Variants in TNFRSF14 observed in about 807,000 individuals in gnomAD.
TNFRSF14 encodes TNF receptor superfamily member 14.
In TNFRSF14, 18 loss-of-function variants were observed where a neutral mutation model predicts 34.1. That is an observed-to-expected ratio of 0.53 (90% confidence interval 0.36 to 0.78). TNFRSF14 has a LOEUF of 0.78. Among genes scored for constraint, TNFRSF14 ranks in the 30% least tolerant of loss-of-function variants. The pLI is 0.00. For synonymous variants in TNFRSF14, 157 were observed against 153.2 expected (o/e 1.02, Z -0.18); for missense variants, 352 against 379.5 (o/e 0.93, Z 0.60).
chr1:2,558,331 T>C lies in TNFRSF14; in HGVS notation c.179-12T>C. On this transcript the variant is annotated splice_polypyrimidine_tract_variant and intron_variant, in intron 2 of 7. Coordinates refer to ENST00000355716, the MANE Select transcript of TNFRSF14 (RefSeq NM_003820.4). The stretch of plus-strand genomic sequence containing the variant: ...CCGCAGACTTGCGAAGTTCCCACTC[T>C]CTGGGCGGCAGGTTATCGTGTGAAG... 3 of 1,594,292 alleles carry C rather than the reference T, an allele frequency of 1.9e-6. No individual in the cohort carries two copies. The highest frequency in any genetic ancestry group is 1.7e-6 in the Non-Finnish European group (2 of 1,171,544).
chr1:2,559,195 T>C, intron 3 of TNFRSF14: 4 of 1,369,264 alleles, frequency 2.9e-6, no homozygotes, highest in Non-Finnish European at 3.9e-6. Flanking sequence ...GCTGGAGTGC[T>C]TTGGGGGTTC....
chr1:2,555,635 G>T (rs994375650), upstream of TNFRSF14: 1 of 152,622 alleles, frequency 6.6e-6, no homozygotes, highest in Non-Finnish European at 1.5e-5. The surrounding 1 kb of genome is among the most constrained non-coding windows in gnomAD (Gnocchi z 6.3). Context: ...GCCAGAGGGG[G>T]TGACTGGGAC....
chr1:2,559,068 T>A, intron 3 of TNFRSF14: 1 of 1,369,282 alleles, frequency 7.3e-7, no homozygotes, highest in Non-Finnish European at 9.6e-7. Flanking sequence ...TGGCCAGTGC[T>A]CCCTGCGGCC....
rs1224263470 is a variant in TNFRSF14, at chr1:2,561,056, C to T, written c.551+342C>T. On this transcript the variant is annotated intron_variant, in intron 5 of 7. Coordinates refer to ENST00000355716, the MANE Select transcript of TNFRSF14 (RefSeq NM_003820.4). This position sits in a 1 kb window ranked among gnomAD's most constrained non-coding sequence, Gnocchi z 6.0. ...TCAGGGCCATGGGAGGGCCCCTGGG[C>T]TTCAGGGGTTGGGGAAAGTGAACAC... 1 of 365,974 alleles carries T rather than the reference C, an allele frequency of 2.7e-6. No homozygotes were observed. The highest frequency in any genetic ancestry group is 4.9e-6 in the Non-Finnish European group (1 of 202,094). 22.7% of individuals were successfully genotyped at this position (365,974 alleles called of 1,614,324 possible).
Position 2,561,588 on chromosome 1 carries a change from C to G in TNFRSF14, c.552-85C>G. On this transcript the variant is annotated intron_variant, in intron 5 of 7. Coordinates refer to ENST00000355716, the MANE Select transcript of TNFRSF14 (RefSeq NM_003820.4). This position sits in a 1 kb window ranked among gnomAD's most constrained non-coding sequence, Gnocchi z 6.0. Reference sequence around the variant, plus strand: ...GGACCTGTCTTCACTGCCTGGGGCCCTGGGAGCCAGGGAGGCTCCCTGAGG... The same window carrying G: ...GGACCTGTCTTCACTGCCTGGGGCCGTGGGAGCCAGGGAGGCTCCCTGAGG... The G allele has an allele frequency of 6.2e-7, 1 of 1,602,028 alleles. No individual in the cohort carries two copies. The highest frequency in any genetic ancestry group is 8.5e-7 in the Non-Finnish European group (1 of 1,174,554).
Position 2,557,815 on chromosome 1 carries a change from C to T in TNFRSF14, c.159C>T (p.Cys53=), listed in dbSNP as rs760103597. ...KEDEYPVGSE[C]CPKCSPGYRV... is the part of the protein sequence containing the mutation. ...ACGAGTACCCAGTGGGCTCCGAGTG[C>T]TGCCCCAAGTGCAGTCCAGGTAGGT... Residue 53 remains cysteine, a synonymous_variant, in exon 2 of 8, where the codon TGC becomes TGT. Transcript: ENST00000355716. 4 of 1,610,860 alleles carry T rather than the reference C, an allele frequency of 2.5e-6. No homozygotes were observed. Among genetic ancestry groups the T allele is most frequent in the Non-Finnish European group, 3.4e-6 (4 of 1,178,628 alleles).
intron 2 of TNFRSF14, 103 bp from the exon 3 acceptor site, chr1:2,558,240 G>C: frequency 6.7e-7 from 1 of 1,491,036 alleles, no homozygotes; most frequent in South Asian, 1.3e-5. Flanking sequence ...AGTCCCCTTA[G>C]CTGGTGTCTC....
rs535890281 is a variant in TNFRSF14 at position 2,556,706 on chromosome 1, C to G, written c.42C>G (p.Ser14=). Residue 14 remains serine, a synonymous_variant, in exon 1 of 8, where the codon TCC becomes TCG. Transcript: ENST00000355716. ...PGDWGPPPWR[S]TPKTDVLRLV... is the part of the protein sequence containing the mutation. ...ACTGGGGGCCTCCTCCCTGGAGATC[C>G]ACCCCCAAAACCGACGTCTTGAGGC... 6.2e-7 allele frequency: 1 copy of G among 1,607,350 alleles called. No homozygotes were observed. Among genetic ancestry groups the G allele is most frequent in the Non-Finnish European group, 8.5e-7 (1 of 1,176,898 alleles).
chr1:2,559,098 G>A (rs1644264821), intron 3 of TNFRSF14: 14 of 1,367,224 alleles, frequency 1.0e-5, no homozygotes, highest in Non-Finnish European at 1.4e-5. Flanking sequence ...TGCACCTGCG[G>A]GACAGGGCTG....
chr1:2,559,490 G>A (rs1243336944), intron 3 of TNFRSF14: 6 of 1,457,942 alleles, frequency 4.1e-6, no homozygotes, highest in East Asian at 2.9e-5. Flanking sequence ...CACGTGGGGC[G>A]AGGACCTGCC....
chr1:2,557,491 G>C (rs2495366), intron 1 of TNFRSF14, among the ~76,000 whole-genome samples: 10 of 152,086 alleles, frequency 6.6e-5, no homozygotes, highest in African/African-American at 2.4e-4. Context: ...CCAGGGCTCC[G>C]CGCTGCCAGG....
intron 3 of TNFRSF14, chr1:2,559,298 C>G: frequency 7.3e-7 from 1 of 1,366,510 alleles, no homozygotes; most frequent in Non-Finnish European, 9.7e-7. Context: ...TCTACTTGGG[C>G]TGAGGATGTG....
At chr1:2,558,731 T>C in intron 3 of TNFRSF14, 1 of 1,151,118 alleles carries the variant, frequency 8.7e-7, no homozygotes, top group Non-Finnish European at 1.2e-6. Flanking sequence ...TCCCTCGTCC[T>C]TGGCTCCTCT....
At position 2,560,097 on chromosome 1, in the gene TNFRSF14, C is replaced by T. The variant is rs939193570; in HGVS notation, c.460+119C>T. On this transcript the variant is annotated intron_variant, in intron 4 of 7. Transcript: ENST00000355716. Reference sequence around the variant, plus strand: ...GCCCAGGGGCCCTGGTGAGACAGAACCTTGGCCAGCCCCAGGCCCACCCAC... The same window carrying T: ...GCCCAGGGGCCCTGGTGAGACAGAATCTTGGCCAGCCCCAGGCCCACCCAC... The T allele has an allele frequency of 2.2e-6, 3 of 1,387,372 alleles. No individual in the cohort carries two copies. The Admixed American group carries it at 8.3e-5, about 38-fold the overall frequency. 85.9% of individuals were successfully genotyped at this position (1,387,372 alleles called of 1,614,324 possible). A position where few individuals can be genotyped will look rare whatever the true frequency, so the allele number is the denominator to read the frequency against.
In TNFRSF14 at chr1:2,560,909, C is replaced by G. The variant is rs1397448353; in HGVS notation, c.551+195C>G. The G allele has an allele frequency of 3.0e-5, 18 of 590,544 alleles. No individual in the cohort carries two copies. In the South Asian group the frequency reaches 3.8e-4, roughly 12 times the overall value. The allele number at this position is 590,544 out of a possible 1,614,324, so 36.6% of individuals were successfully genotyped here. A position where few individuals can be genotyped will look rare whatever the true frequency, so the allele number is the denominator to read the frequency against. On this transcript the variant is annotated intron_variant, in intron 5 of 7. Coordinates refer to ENST00000355716, the MANE Select transcript of TNFRSF14 (RefSeq NM_003820.4). The stretch of plus-strand genomic sequence containing the variant: ...CCCCAGATAACCCCTTCCATGGGCC[C>G]AGACAAAGCCTCATCAGATCTGAGC...
At position 2,561,905 on chromosome 1, in the gene TNFRSF14, G is replaced by A. The variant is rs1644315836; in HGVS notation, c.694+90G>A. 19 of 1,407,178 alleles carry A rather than the reference G, an allele frequency of 1.4e-5. No individual in the cohort carries two copies. The highest frequency in any genetic ancestry group is 1.7e-5 in the Non-Finnish European group (18 of 1,030,374). The allele number at this position is 1,407,178 out of a possible 1,614,324, so 87.2% of individuals were successfully genotyped here. A position where few individuals can be genotyped will look rare whatever the true frequency, so the allele number is the denominator to read the frequency against. ...CCCAAGCCTGGGAGGTGGCCCCAGA[G>A]CTTTTCCAGGATCCGCGGCTCCTCC... is the stretch of plus-strand genomic sequence containing the variant. On this transcript the variant is annotated intron_variant, in intron 6 of 7. Transcript: ENST00000355716. The surrounding 1 kb of genome is among the most constrained non-coding windows in gnomAD (Gnocchi z 6.0).
chr1:2,557,898 GC>G, intron 2 of TNFRSF14, 64 bp downstream of exon 2: 1 of 1,339,410 alleles, frequency 7.5e-7, no homozygotes, highest in Non-Finnish European at 1.0e-6. Context: ...GCCCCCTTCT[GC>G]CCCAGACACC....
intron 3 of TNFRSF14, chr1:2,558,772 T>C: frequency 1.6e-6 from 2 of 1,290,230 alleles, no homozygotes; most frequent in South Asian, 3.1e-5. Context: ...AGACCTCTCC[T>C]GTGCCCACGT....
chr1:2,558,041 CAG>C (rs1644244827), intron 2 of TNFRSF14, among the ~76,000 whole-genome samples: 1 of 152,186 alleles, frequency 6.6e-6, no homozygotes, highest in African/African-American at 2.4e-5. Flanking sequence ...TCACACTGCA[CAG>C]GGGGTGGGTC....
Sources: gnomAD v4.1 joint callset for allele counts (sites outside exome capture counted in the v4.1 genomes callset) on GRCh38, gnomAD v4.1.1 for gene constraint, Gnocchi (gnomAD v3.1) non-coding constraint, MANE v1.5 for transcripts, NCBI Gene and HGNC (gene_info 2026-07-23, HGNC 2026-07-21) for gene names.